The following SETBP1 variants were observed in gnomAD, a reference collection of about 807,000 sequenced individuals.
SETBP1 encodes SET-binding protein.
Under a neutral mutation model 101.0 loss-of-function variants are expected in SETBP1, and 9 were observed. That is an observed-to-expected ratio of 0.09 (90% confidence interval 0.05 to 0.16). The LOEUF (loss-of-function observed/expected upper bound fraction) is 0.16. Among genes scored for constraint, SETBP1 ranks in the 10% least tolerant of loss-of-function variants. The probability of loss-of-function intolerance (pLI) is 1.00; values close to 1 mark genes in which losing one functional copy is unlikely to be tolerated. For missense variants in SETBP1, 1,858 were observed against 2,033.8 expected (o/e 0.91, Z 1.66); for synonymous variants, 818 against 788.5 (o/e 1.04, Z -0.63).
chr18:45,060,780 G>T (rs1328714498), intron 5 of SETBP1, among the ~76,000 whole-genome samples: 1 of 152,082 alleles, frequency 6.6e-6, no homozygotes, highest in African/African-American at 2.4e-5. Context: ...TGTTTTTGGG[G>T]TTTGTTTACT....
chr18:44,778,619 G>A (rs1186529387), intron 2 of SETBP1, among the ~76,000 whole-genome samples: 2 of 152,174 alleles, frequency 1.3e-5, no homozygotes, highest in African/African-American at 4.8e-5. Context: ...CAGTGGTAAG[G>A]CACTATAGTT....
intron 2 of SETBP1, among the ~76,000 whole-genome samples, chr18:44,715,741 G>C (rs182781535): frequency 6.6e-6 from 1 of 152,132 alleles, no homozygotes; most frequent in African/African-American, 2.4e-5. Flanking sequence ...ACAAACTATC[G>C]TTGCTAATTA....
chr18:44,796,330 C>G (rs2071474638), intron 2 of SETBP1, among the ~76,000 whole-genome samples: 1 of 152,202 alleles, frequency 6.6e-6, no homozygotes, highest in African/African-American at 2.4e-5. Context: ...AGTTTTAGAG[C>G]TAGAACGGTT....
intron 4 of SETBP1, among the ~76,000 whole-genome samples, chr18:44,979,547 A>G (rs2072065545): frequency 6.6e-6 from 1 of 152,228 alleles, no homozygotes; most frequent in Non-Finnish European, 1.5e-5. Flanking sequence ...ACAAAGCTGT[A>G]TGATTCTACT....
intron 1 of SETBP1, among the ~76,000 whole-genome samples, chr18:44,689,070 A>G (rs1374847840): frequency 6.6e-6 from 1 of 152,128 alleles, no homozygotes. Flanking sequence ...TCCCAAATGG[A>G]ATTTTGCTAT....
intron 3 of SETBP1, among the ~76,000 whole-genome samples, chr18:44,890,117 G>A (rs563252931): frequency 1.8e-4 from 28 of 151,920 alleles, no homozygotes; most frequent in South Asian, 1.2e-3. Flanking sequence ...CAATTTCCAG[G>A]TATACAATAC....
chr18:44,961,942 T>A (rs1331852667), intron 4 of SETBP1, among the ~76,000 whole-genome samples: 1 of 152,202 alleles, frequency 6.6e-6, no homozygotes, highest in Non-Finnish European at 1.5e-5. Context: ...CTGTCAGTCT[T>A]ACAGAGCTTT....
At chr18:44,923,446 A>C (rs572046406) in intron 3 of SETBP1, among the ~76,000 whole-genome samples, 5 of 152,328 alleles carry the variant, frequency 3.3e-5, no homozygotes, top group African/African-American at 1.2e-4. Flanking sequence ...ATAAGCAGGC[A>C]AGTCTCCTGA....
intron 2 of SETBP1, among the ~76,000 whole-genome samples, chr18:44,863,050 A>G (rs1376506756): frequency 6.6e-6 from 1 of 152,212 alleles, no homozygotes; most frequent in Non-Finnish European, 1.5e-5. Flanking sequence ...TGTTTCACTT[A>G]TCCTTGGAAA....
At chr18:44,703,050 T>G (rs2069145267) in intron 2 of SETBP1, among the ~76,000 whole-genome samples, 1 of 152,246 alleles carries the variant, frequency 6.6e-6, no homozygotes, top group East Asian at 1.9e-4. Flanking sequence ...TGACTTACAG[T>G]GACCTCCCTT....
chr18:44,946,606 T>A (rs1006670671), intron 3 of SETBP1, among the ~76,000 whole-genome samples: 3 of 152,230 alleles, frequency 2.0e-5, no homozygotes, highest in African/African-American at 7.2e-5. Context: ...TTAGGAGCCA[T>A]CATCAAATGA....
intron 3 of SETBP1, among the ~76,000 whole-genome samples, chr18:44,901,462 A>G (rs778270019): frequency 6.6e-6 from 1 of 152,114 alleles, no homozygotes; most frequent in East Asian, 1.9e-4. Context: ...TTGCCTGCAT[A>G]TGAGTGACTT....
At chr18:44,822,280 T>A (rs2072128844) in intron 2 of SETBP1, among the ~76,000 whole-genome samples, 1 of 152,240 alleles carries the variant, frequency 6.6e-6, no homozygotes, top group Admixed American at 6.5e-5. Flanking sequence ...CCCTAAGTCC[T>A]TCATCATCAG....
chr18:44,871,023 T>G (rs1301714905), intron 3 of SETBP1: 1 of 152,344 alleles, frequency 6.6e-6, no homozygotes, highest in Non-Finnish European at 1.5e-5. Context: ...CCCCACAGCT[T>G]CCAGTGCAGA....
intron 3 of SETBP1, among the ~76,000 whole-genome samples, chr18:44,909,472 A>C (rs1352789231): frequency 6.6e-6 from 1 of 152,220 alleles, no homozygotes; most frequent in Non-Finnish European, 1.5e-5. Context: ...CAAGGCTCTG[A>C]GGTTTTCTCA....
At chr18:44,864,235 G>A (rs1028453396) in intron 2 of SETBP1, among the ~76,000 whole-genome samples, 1 of 152,196 alleles carries the variant, frequency 6.6e-6, no homozygotes. Context: ...ACAAGGGAAT[G>A]CTAGTGGCAG....
chr18:44,856,091 C>T (rs1231895531), intron 2 of SETBP1, among the ~76,000 whole-genome samples: 2 of 148,754 alleles, frequency 1.3e-5, no homozygotes, highest in Non-Finnish European at 3.0e-5. Flanking sequence ...ATGAGGTTCA[C>T]ATTCCCTATT....
chr18:44,924,766 C>G lies in SETBP1; in HGVS notation c.541-25115C>G, dbSNP rs191203800. ...TTTAGTAACAAATAGACTCCCAAACCAAAGTACATTGCTCATCCCCCACCC... is the reference window on the plus strand; with the variant it reads ...TTTAGTAACAAATAGACTCCCAAACGAAAGTACATTGCTCATCCCCCACCC... On this transcript the variant is annotated intron_variant, in intron 3 of 5. Transcript: ENST00000649279. 5.8e-3 allele frequency among the ~76,000 whole-genome samples: 876 copies of G among 152,234 alleles called. 7 individuals carry two copies. Among genetic ancestry groups the G allele is most frequent in the South Asian group, 0.012 (56 of 4,828 alleles).
chr18:44,778,036 G>GGGCT (rs1432499671), intron 2 of SETBP1, among the ~76,000 whole-genome samples: 2 of 152,148 alleles, frequency 1.3e-5, no homozygotes, highest in African/African-American at 4.8e-5. Context: ...GTGTGTGGAT[G>GGGCT]GGCTGTGGGA....
Sources: gnomAD v4.1 joint callset for allele counts (sites outside exome capture counted in the v4.1 genomes callset) on GRCh38, gnomAD v4.1.1 for gene constraint, MANE v1.5 for transcripts, NCBI Gene and HGNC (gene_info 2026-07-23, HGNC 2026-07-21) for gene names.